The following AKAP6 variants were observed in gnomAD, a reference collection of about 807,000 sequenced individuals.
AKAP6 encodes the protein A-kinase anchor protein 6.
A neutral mutation model predicts 188.5 loss-of-function variants in AKAP6; 58 were observed. The observed-to-expected ratio is 0.31, with a 90% CI of 0.25 to 0.38. AKAP6 has a LOEUF of 0.38. AKAP6 is among the 10% of genes least tolerant of loss of function. The pLI, the probability that AKAP6 is intolerant of heterozygous loss-of-function variation, is 1.00. For missense variants in AKAP6, 2,710 were observed against 2,740.0 expected (o/e 0.99, Z 0.24); for synonymous variants, 989 against 998.6 (o/e 0.99, Z 0.18).
At chr14:32,739,309 G>C (rs1049701915) in intron 11 of AKAP6, among the ~76,000 whole-genome samples, 29 of 151,964 alleles carry the variant, frequency 1.9e-4, no homozygotes, top group African/African-American at 7.0e-4. Context: ...CATGCAATGG[G>C]TACTAATCAC....
At chr14:32,601,240 C>G (rs755849337) in intron 7 of AKAP6, among the ~76,000 whole-genome samples, 1 of 152,144 alleles carries the variant, frequency 6.6e-6, no homozygotes, top group Admixed American at 6.6e-5. Flanking sequence ...TTATCTCATT[C>G]CTGTTAATGA....
intron 11 of AKAP6, among the ~76,000 whole-genome samples, chr14:32,764,100 T>C (rs1406944056): frequency 6.6e-6 from 1 of 152,212 alleles, no homozygotes. Context: ...TTCCTACCTT[T>C]TTAATCTCTT....
At chr14:32,352,335 C>G (rs1223566756) in intron 1 of AKAP6, among the ~76,000 whole-genome samples, 2 of 151,382 alleles carry the variant, frequency 1.3e-5, no homozygotes, top group African/African-American at 4.9e-5. Flanking sequence ...TGTTTCCGTA[C>G]AAGTATGTAT....
At chr14:32,815,743 A>G (rs1421398345) in intron 12 of AKAP6, among the ~76,000 whole-genome samples, 1 of 152,188 alleles carries the variant, frequency 6.6e-6, no homozygotes, top group Non-Finnish European at 1.5e-5. Context: ...GAGGGAATAT[A>G]TATGCTGATG....
At chr14:32,718,919 G>A (rs1423197046) in intron 9 of AKAP6, among the ~76,000 whole-genome samples, 1 of 152,142 alleles carries the variant, frequency 6.6e-6, no homozygotes, top group African/African-American at 2.4e-5. Context: ...AGTGGGTAAA[G>A]AGTGAATGAC....
At chr14:32,408,006 C>T (rs1253804478) in intron 1 of AKAP6, among the ~76,000 whole-genome samples, 2 of 152,202 alleles carry the variant, frequency 1.3e-5, no homozygotes, top group African/African-American at 4.8e-5. Flanking sequence ...TGATTAGGCT[C>T]TTTCTAGGGG....
Position 32,806,254 on chromosome 14 carries a change from A to G in AKAP6, c.3589-15148A>G, listed in dbSNP as rs140369477. On this transcript the variant is annotated intron_variant, in intron 12 of 13. Coordinates refer to ENST00000280979, the MANE Select transcript of AKAP6 (RefSeq NM_004274.5). ...ACATAGATGAGACAGTAGTTATTCC[A>G]AACTATGTCTGGGATGGAAATGACA... Among the ~76,000 whole-genome samples, 103 of 152,350 alleles carry G rather than the reference A, an allele frequency of 6.8e-4. 1 individual carries two copies. The highest frequency in any genetic ancestry group is 1.6e-3 in the Admixed American group (24 of 15,300).
intron 2 of AKAP6, among the ~76,000 whole-genome samples, chr14:32,511,220 C>A (rs1881241907): frequency 1.3e-5 from 2 of 152,206 alleles, no homozygotes; most frequent in Non-Finnish European, 2.9e-5. Context: ...GGCCAGACCT[C>A]TGTACATCTA....
At chr14:32,560,582 G>A (rs566530333) in intron 4 of AKAP6, among the ~76,000 whole-genome samples, 15 of 152,262 alleles carry the variant, frequency 9.9e-5, no homozygotes, top group South Asian at 4.2e-4. Context: ...AATTTTCTTC[G>A]TATGGAAAGG....
intron 2 of AKAP6, among the ~76,000 whole-genome samples, chr14:32,501,185 A>G (rs1880592379): frequency 6.6e-6 from 1 of 152,186 alleles, no homozygotes; most frequent in Non-Finnish European, 1.5e-5. Context: ...TTTGTCCAAA[A>G]TATTGTTTTA....
intron 9 of AKAP6, among the ~76,000 whole-genome samples, chr14:32,730,190 T>A (rs531515877): frequency 1.7e-4 from 26 of 152,318 alleles, no homozygotes; most frequent in African/African-American, 6.3e-4. Flanking sequence ...AACATTTTAG[T>A]ACCTTTCATC....
chr14:32,562,834 C>T (rs1266483743), intron 4 of AKAP6, among the ~76,000 whole-genome samples: 1 of 152,116 alleles, frequency 6.6e-6, no homozygotes, highest in African/African-American at 2.4e-5. Flanking sequence ...ATCACATTCA[C>T]CTCACAAAGT....
chr14:32,634,794 G>T (rs2139465819), intron 7 of AKAP6, among the ~76,000 whole-genome samples: 1 of 152,112 alleles, frequency 6.6e-6, no homozygotes, highest in African/African-American at 2.4e-5. Context: ...CCTAAAATTT[G>T]AAAGAATCCT....
chr14:32,788,813 T>C (rs1056258657), intron 12 of AKAP6, among the ~76,000 whole-genome samples: 7 of 152,070 alleles, frequency 4.6e-5, no homozygotes, highest in Non-Finnish European at 7.4e-5. Flanking sequence ...AGGCGGGAAA[T>C]CCATCCATTC....
chr14:32,769,037 A>ATTTCTTTTTTTTTTTTTTTTT (rs2032806861), intron 11 of AKAP6, among the ~76,000 whole-genome samples: 1 of 56,926 alleles, frequency 1.8e-5, no homozygotes. Flanking sequence ...TGCTCTTTTG[A>ATTTCTTTTTTTTTTTTTTTTT]TTTTTTTTTT....
chr14:32,396,368 G>T (rs756002144), intron 1 of AKAP6, among the ~76,000 whole-genome samples: 1 of 152,152 alleles, frequency 6.6e-6, no homozygotes, highest in Non-Finnish European at 1.5e-5. Context: ...TAACTTTGGG[G>T]TTGTCTACCT....
At chr14:32,474,821 A>G (rs1273453600) in intron 2 of AKAP6, among the ~76,000 whole-genome samples, 2 of 152,344 alleles carry the variant, frequency 1.3e-5, no homozygotes, top group Non-Finnish European at 2.9e-5. Context: ...TTAAATTTCT[A>G]TAAATTTGTT....
chr14:32,834,997 T>C lies in AKAP6; in HGVS notation c.*5192T>C, dbSNP rs927405685. ...CATGACATGTGAAAATCATATGAAA[T>C]TTAAATTTTGGTGTCCATGTATAAA... On this transcript the variant is annotated 3_prime_UTR_variant, in exon 14 of 14. Coordinates refer to ENST00000280979, the MANE Select transcript of AKAP6 (RefSeq NM_004274.5). The C allele has an allele frequency of 6.6e-6, 1 of 152,212 alleles. No homozygotes were observed. The highest frequency in any genetic ancestry group is 1.5e-5 in the Non-Finnish European group (1 of 68,034). 9.4% of individuals were successfully genotyped at this position (152,212 alleles called of 1,614,324 possible). A position where few individuals can be genotyped will look rare whatever the true frequency, so the allele number is the denominator to read the frequency against.
chr14:32,735,622 T>A, intron 10 of AKAP6, 36 bp from the exon 11 acceptor site: 6 of 1,453,452 alleles, frequency 4.1e-6, no homozygotes, highest in Non-Finnish European at 5.6e-6. Flanking sequence ...TTTTGTTTGT[T>A]TGTTTTATTT....
Sources: gnomAD v4.1 joint callset for allele counts (sites outside exome capture counted in the v4.1 genomes callset) on GRCh38, gnomAD v4.1.1 for gene constraint, MANE v1.5 for transcripts, NCBI Gene and HGNC (gene_info 2026-07-23, HGNC 2026-07-21) for gene names.